BNC2: variants seen among roughly 807,000 people sequenced by gnomAD.
BNC2 encodes the protein basonuclin zinc finger protein 2.
A neutral mutation model predicts 76.3 loss-of-function variants in BNC2; 20 were observed. The ratio of observed to expected loss-of-function variants is 0.26; its 90% CI spans 0.18 to 0.38. BNC2 has a LOEUF of 0.38. BNC2 is among the 10% of genes least tolerant of loss of function. The pLI, the probability that BNC2 is intolerant of heterozygous loss-of-function variation, is 1.00. For missense variants in BNC2, 1,382 were observed against 1,399.8 expected (o/e 0.99, Z 0.20); for synonymous variants, 582 against 514.8 (o/e 1.13, Z -1.77).
chr9:16,421,866 T>C (rs984247592), intron 6 of BNC2, among the ~76,000 whole-genome samples: 28 of 152,154 alleles, frequency 1.8e-4, no homozygotes, highest in Admixed American at 1.8e-3. Flanking sequence ...ATCCTACCCG[T>C]TTATTATTTT....
intron 5 of BNC2, among the ~76,000 whole-genome samples, chr9:16,528,714 AG>A (rs1817886385): frequency 6.6e-6 from 1 of 152,216 alleles, no homozygotes; most frequent in Non-Finnish European, 1.5e-5. Flanking sequence ...GTGTTTGAAA[AG>A]CCCAAACACT....
chr9:16,662,530 G>A (rs1265342495), intron 3 of BNC2, among the ~76,000 whole-genome samples: 1 of 152,200 alleles, frequency 6.6e-6, no homozygotes, highest in East Asian at 1.9e-4. Flanking sequence ...GAGGTCAAGA[G>A]TTCAAGGCCA....
intron 3 of BNC2, among the ~76,000 whole-genome samples, chr9:16,701,524 T>C (rs1226723236): frequency 2.0e-5 from 3 of 152,264 alleles, no homozygotes; most frequent in Non-Finnish European, 4.4e-5. Flanking sequence ...CATTTTTTTA[T>C]GCTTACTAAC....
intron 6 of BNC2, among the ~76,000 whole-genome samples, chr9:16,421,535 C>T (rs1587008235): frequency 6.6e-6 from 1 of 152,284 alleles, no homozygotes; most frequent in Non-Finnish European, 1.5e-5. Flanking sequence ...ATCGAATTAA[C>T]ACAAACCAAA....
At chr9:16,571,868 T>A (rs186356101) in intron 4 of BNC2, among the ~76,000 whole-genome samples, 34 of 152,196 alleles carry the variant, frequency 2.2e-4, no homozygotes, top group African/African-American at 7.7e-4. Context: ...GAACTGCTTG[T>A]CAGAGTTTCT....
intron 1 of BNC2, among the ~76,000 whole-genome samples, chr9:16,828,907 A>C (rs1341670165): frequency 6.6e-6 from 1 of 151,702 alleles, no homozygotes; most frequent in African/African-American, 2.4e-5. Context: ...AAGTAAACAC[A>C]TCTGATGGAC....
At chr9:16,586,012 C>G (rs1410127976) in intron 3 of BNC2, among the ~76,000 whole-genome samples, 1 of 152,188 alleles carries the variant, frequency 6.6e-6, no homozygotes, top group African/African-American at 2.4e-5. Context: ...CTGGGTAAAG[C>G]AGGCCTCCAG....
At chr9:16,569,132 T>TA (rs1480482747) in intron 4 of BNC2, among the ~76,000 whole-genome samples, 1 of 149,630 alleles carries the variant, frequency 6.7e-6, no homozygotes, top group East Asian at 2.0e-4. Flanking sequence ...CTTCAACAAA[T>TA]AGTGTGTCAG....
chr9:16,469,710 T>C (rs972921495), intron 5 of BNC2, among the ~76,000 whole-genome samples: 1 of 152,164 alleles, frequency 6.6e-6, no homozygotes, highest in Non-Finnish European at 1.5e-5. Context: ...ATGTGGAAGT[T>C]TGGAACTTCC....
At chr9:16,741,598 T>C (rs917432299) in intron 1 of BNC2, among the ~76,000 whole-genome samples, 1 of 152,018 alleles carries the variant, frequency 6.6e-6, no homozygotes, top group Non-Finnish European at 1.5e-5. Context: ...AGTTCCCAGT[T>C]TGGGAAGTGA....
At chr9:16,582,270 T>G (rs529875841) in intron 4 of BNC2, among the ~76,000 whole-genome samples, 1 of 152,086 alleles carries the variant, frequency 6.6e-6, no homozygotes, top group African/African-American at 2.4e-5. Context: ...AGAATAAACA[T>G]AAACCATACA....
intron 3 of BNC2, 32 bp downstream of exon 3, chr9:16,727,763 AAG>A (rs1426269813): frequency 1.9e-6 from 3 of 1,581,610 alleles, no homozygotes; most frequent in Non-Finnish European, 1.7e-6. Context: ...TCTTAAAAAA[AAG>A]AAAAAAAAAA....
chr9:16,688,447 T>G (rs1260371280), intron 3 of BNC2, among the ~76,000 whole-genome samples: 1 of 152,188 alleles, frequency 6.6e-6, no homozygotes, highest in African/African-American at 2.4e-5. Flanking sequence ...TAATAAAATA[T>G]GGGGTGTGCC....
intron 1 of BNC2, among the ~76,000 whole-genome samples, chr9:16,837,721 T>C (rs968370958): frequency 1.1e-4 from 16 of 152,230 alleles, no homozygotes; most frequent in African/African-American, 3.9e-4. Flanking sequence ...AAGACAGGTA[T>C]TCTTGAACCA....
chr9:16,485,337 A>T (rs1434008157), intron 5 of BNC2, among the ~76,000 whole-genome samples: 2 of 152,314 alleles, frequency 1.3e-5, no homozygotes, highest in East Asian at 3.9e-4. Context: ...TGCTCTGATT[A>T]AGTCTCTTGT....
At position 16,727,922 on chromosome 9, in the gene BNC2, T is replaced by G; in HGVS notation, c.205A>C (p.Thr69Pro). 6.2e-7 allele frequency: 1 copy of G among 1,614,134 alleles called. No individual in the cohort carries two copies. The highest frequency in any genetic ancestry group is 8.5e-7 in the Non-Finnish European group (1 of 1,180,036). The change falls in exon 3 of 7, where the codon ACT becomes CCT. Residue 69 changes from threonine (T) to proline (P), a missense_variant. Thr to Pro is a conservative substitution (Grantham distance 38). Around this residue, in one of 3 missense-constraint regions of BNC2, gnomAD observed 557 missense variants for 540.9 expected, o/e 1.03. Coordinates refer to ENST00000380672, the MANE Select transcript of BNC2 (RefSeq NM_017637.6). ...TTGTCAGTACAGGAGTCTCTTAAAG[T>G]CAAGTCTCTTGCCCTCTTTGGCTCT... ...DREPKRARDL[T>P]LRDSCTDNSM...
chr9:16,727,866 C>T lies in BNC2; in HGVS notation c.261G>A (p.Thr87=). ...NSMQFGTRTT[T]AEPGFMGTWQ... ...ATGTCCCCATGAACCCTGGTTCAGC[C>T]GTAGTCGTTCTGGTTCCGAACTGCA... The change falls in exon 3 of 7, where the codon ACG becomes ACA. Residue 87 remains threonine (T), a synonymous_variant. Transcript: ENST00000380672. The T allele has an allele frequency of 1.2e-6, 2 of 1,614,156 alleles. No homozygotes were observed. Among genetic ancestry groups the T allele is most frequent in the Non-Finnish European group, 1.7e-6 (2 of 1,180,030 alleles).
intron 5 of BNC2, among the ~76,000 whole-genome samples, chr9:16,439,746 T>C (rs1300306369): frequency 6.6e-6 from 1 of 152,236 alleles, no homozygotes; most frequent in Non-Finnish European, 1.5e-5. Context: ...CTGATAGTTA[T>C]GTGCCCCCCT....
At chr9:16,832,432 A>G (rs928431673) in intron 1 of BNC2, 25 of 443,586 alleles carry the variant, frequency 5.6e-5, no homozygotes, top group East Asian at 1.9e-4. Context: ...CATAGCTACA[A>G]GACTTGATCT....
Sources: allele counts gnomAD v4.1 joint callset (sites outside exome capture counted in the v4.1 genomes callset), GRCh38; gene constraint gnomAD v4.1.1; regional missense constraint gnomAD v4.1.1; transcripts MANE v1.5; gene names NCBI Gene and HGNC (gene_info 2026-07-23, HGNC 2026-07-21).